Variants in NCR3LG1 observed in about 807,000 individuals in gnomAD.
NCR3LG1 encodes natural cytotoxicity triggering receptor 3 ligand 1.
A neutral mutation model predicts 34.8 loss-of-function variants in NCR3LG1; 35 were observed. The observed-to-expected ratio is 1.01, with a 90% CI of 0.77 to 1.33. The LOEUF is 1.33. NCR3LG1 is among the 40% of genes most tolerant of loss of function. NCR3LG1 has a pLI of 0.00. For missense variants in NCR3LG1, 452 were observed against 423.3 expected (o/e 1.07, Z -0.60); for synonymous variants, 173 against 163.6 (o/e 1.06, Z -0.44).
In NCR3LG1 at chr11:17,374,107, A is replaced by G. The variant is rs1953446901; in HGVS notation, c.*1595A>G. On this transcript the variant is annotated 3_prime_UTR_variant, in exon 5 of 5. Coordinates refer to ENST00000338965, the MANE Select transcript of NCR3LG1 (RefSeq NM_001202439.3). ...ACACCCCAATATTAGGGGTGCAAAA[A>G]TCCAATGGGGAAGGGAGACTAGTTC... The G allele has an allele frequency of 6.6e-6, 1 of 152,116 alleles. No individual in the cohort carries two copies. Among genetic ancestry groups the G allele is most frequent in the African/African-American group, 2.4e-5 (1 of 41,406 alleles). 9.4% of individuals were successfully genotyped at this position (152,116 alleles called of 1,614,324 possible). A position where few individuals can be genotyped will look rare whatever the true frequency, so the allele number is the denominator to read the frequency against.
intron 3 of NCR3LG1, among the ~76,000 whole-genome samples, chr11:17,368,542 T>G (rs760724266): frequency 6.6e-6 from 1 of 152,154 alleles, no homozygotes; most frequent in Non-Finnish European, 1.5e-5. Context: ...ATACCTTGCA[T>G]GTATGGTACG....
At chr11:17,361,223 A>T (rs1385724149) in intron 2 of NCR3LG1, among the ~76,000 whole-genome samples, 2 of 152,260 alleles carry the variant, frequency 1.3e-5, no homozygotes, top group South Asian at 4.1e-4. Context: ...GATATCTGCA[A>T]AATGGCTTTC....
At chr11:17,361,365 GCAACCT>G (rs1250194965) in intron 2 of NCR3LG1, among the ~76,000 whole-genome samples, 5 of 150,076 alleles carry the variant, frequency 3.3e-5, no homozygotes, top group African/African-American at 1.2e-4. Context: ...TCAGCTCATT[GCAACCT>G]CTGCCTCCTG....
intron 1 of NCR3LG1, among the ~76,000 whole-genome samples, chr11:17,356,001 A>G (rs1338763789): frequency 6.6e-6 from 1 of 151,768 alleles, no homozygotes; most frequent in Non-Finnish European, 1.5e-5. Flanking sequence ...AGGTCCCATT[A>G]TATTGCCTAG....
intron 1 of NCR3LG1, among the ~76,000 whole-genome samples, chr11:17,355,420 C>CA (rs35195188): frequency 0.33 from 47,559 of 144,314 alleles, 10,504 homozygotes; most frequent in African/African-American, 0.64. Flanking sequence ...AGGAAAACAT[C>CA]AAAAAAAAAA....
intron 2 of NCR3LG1, among the ~76,000 whole-genome samples, chr11:17,363,534 C>CCTTCCGT (rs1554898604): frequency 1.3e-5 from 1 of 79,606 alleles, no homozygotes. Flanking sequence ...CTCCCTCCCT[C>CCTTCCGT]CCTCCCTCCC....
intron 3 of NCR3LG1, among the ~76,000 whole-genome samples, chr11:17,367,880 G>A (rs11827039): frequency 0.18 from 26,907 of 150,352 alleles, 4,469 homozygotes; most frequent in African/African-American, 0.43. Context: ...GTGTAATGGC[G>A]TGATCTCAGC....
intron 1 of NCR3LG1, among the ~76,000 whole-genome samples, chr11:17,353,399 C>A (rs1399432382): frequency 6.6e-6 from 1 of 152,266 alleles, no homozygotes; most frequent in East Asian, 1.9e-4. Context: ...CTCCGCGCTG[C>A]GGACTTGAAA....
chr11:17,360,379 A>C (rs1328841451), intron 2 of NCR3LG1, among the ~76,000 whole-genome samples: 1 of 152,216 alleles, frequency 6.6e-6, no homozygotes, highest in Non-Finnish European at 1.5e-5. Flanking sequence ...GTAGAGCAGA[A>C]GTTCTTAATT....
rs1953478811 is a variant in NCR3LG1, at chr11:17,376,495, G to A, written c.*3983G>A. On this transcript the variant is annotated 3_prime_UTR_variant, in exon 5 of 5. Coordinates refer to ENST00000338965, the MANE Select transcript of NCR3LG1 (RefSeq NM_001202439.3). Reference sequence around the variant, plus strand: ...CAAATTGCTGGGTCTGTCCTGAGCGGTTTGCTCAGTTCAGTAACACTAAGG... The same window carrying A: ...CAAATTGCTGGGTCTGTCCTGAGCGATTTGCTCAGTTCAGTAACACTAAGG... 6.6e-6 allele frequency: 1 copy of A among 152,202 alleles called. No homozygotes were observed. The highest frequency in any genetic ancestry group is 2.1e-4 in the South Asian group (1 of 4,826). 9.4% of individuals were successfully genotyped at this position (152,202 alleles called of 1,614,324 possible).
At chr11:17,356,465 C>G (rs925831041) in intron 1 of NCR3LG1, among the ~76,000 whole-genome samples, 186 bp from the exon 2 acceptor site, 1 of 152,018 alleles carries the variant, frequency 6.6e-6, no homozygotes, top group Non-Finnish European at 1.5e-5. Flanking sequence ...GGGCACTAAT[C>G]CCATTCGTGA....
chr11:17,368,225 T>C (rs1953368744), intron 3 of NCR3LG1, among the ~76,000 whole-genome samples: 1 of 152,122 alleles, frequency 6.6e-6, no homozygotes, highest in Non-Finnish European at 1.5e-5. Flanking sequence ...TAAAACACAG[T>C]TCACGGCAGA....
intron 2 of NCR3LG1, among the ~76,000 whole-genome samples, chr11:17,360,936 G>T (rs770492277): frequency 6.6e-6 from 1 of 152,004 alleles, no homozygotes; most frequent in African/African-American, 2.4e-5. Flanking sequence ...GAGTTTCGCC[G>T]TGTAGCCCAG....
At chr11:17,359,389 C>T (rs932498649) in intron 2 of NCR3LG1, among the ~76,000 whole-genome samples, 2 of 152,158 alleles carry the variant, frequency 1.3e-5, no homozygotes, top group African/African-American at 4.8e-5. Context: ...AACTCCCACT[C>T]CAACAGTGAG....
rs79299893 is a variant in NCR3LG1, at chr11:17,355,959, G to T, written c.71-692G>T. Among the ~76,000 whole-genome samples, 1,374 of 151,738 alleles carry T rather than the reference G, an allele frequency of 9.1e-3. 14 individuals carry two copies. Among genetic ancestry groups the T allele is most frequent in the African/African-American group, 0.032 (1,316 of 41,348 alleles). On this transcript the variant is annotated intron_variant, in intron 1 of 4. Transcript: ENST00000338965. ...ACTACAAGTGCTAACCACCATGCTG[G>T]GCTAATTTATTTTTATTTTTTTGTA...
Position 17,367,256 on chromosome 11 carries a change from G to A in NCR3LG1, c.669G>A (p.Gly223=), listed in dbSNP as rs1273202420. 2 of 1,536,128 alleles carry A rather than the reference G, an allele frequency of 1.3e-6. No homozygotes were observed. The highest frequency in any genetic ancestry group is 2.7e-5 in the African/African-American group (2 of 73,010). ...LKLNSSQEDP[G]TVYQCVVRHA... is the part of the protein sequence containing the mutation. ...TGAACTCCTCTCAGGAAGACCCTGG[G>A]ACTGTCTACCAGTGTGTGGTACGGC... Residue 223 remains glycine (G), a synonymous_variant, in exon 3 of 5, where the codon GGG becomes GGA. Coordinates refer to ENST00000338965, the MANE Select transcript of NCR3LG1 (RefSeq NM_001202439.3).
chr11:17,360,640 C>T (rs538880977), intron 2 of NCR3LG1, among the ~76,000 whole-genome samples: 24 of 151,446 alleles, frequency 1.6e-4, no homozygotes, highest in African/African-American at 5.6e-4. Context: ...ATTGTTCCAG[C>T]ATCATTTGTT....
chr11:17,374,006 A>G lies in NCR3LG1; in HGVS notation c.*1494A>G, dbSNP rs938902502. On this transcript the variant is annotated 3_prime_UTR_variant, in exon 5 of 5. Coordinates refer to ENST00000338965, the MANE Select transcript of NCR3LG1 (RefSeq NM_001202439.3). ...GAGACAATACCCTCTGAAGCCAGAA[A>G]GTAGAAAAGGGCTAGACGCCAGCAT... The G allele has an allele frequency of 1.3e-5, 2 of 152,218 alleles. No individual in the cohort carries two copies. The highest frequency in any genetic ancestry group is 4.8e-5 in the African/African-American group (2 of 41,428). The allele number at this position is 152,218 out of a possible 1,614,324, so 9.4% of individuals were successfully genotyped here.
chr11:17,367,863 G>A lies in NCR3LG1; in HGVS notation c.760+516G>A, dbSNP rs1310801739. Among the ~76,000 whole-genome samples, 3 of 150,426 alleles carry A rather than the reference G, an allele frequency of 2.0e-5. No homozygotes were observed. In the East Asian group the frequency reaches 5.9e-4, roughly 29 times the overall value. ...GATGGAGTTTCGCTCTTGTTGCCCA[G>A]GCTGGAGTGTAATGGCGTGATCTCA... On this transcript the variant is annotated intron_variant, in intron 3 of 4. Coordinates refer to ENST00000338965, the MANE Select transcript of NCR3LG1 (RefSeq NM_001202439.3).
Sources: allele counts gnomAD v4.1 joint callset (sites outside exome capture counted in the v4.1 genomes callset), GRCh38; gene constraint gnomAD v4.1.1; transcripts MANE v1.5; gene names NCBI Gene and HGNC (gene_info 2026-07-23, HGNC 2026-07-21).